The following RBFOX1 variants were observed in gnomAD, a reference collection of about 807,000 sequenced individuals.
RBFOX1 encodes RNA binding protein fox-1 homolog 1.
Under a neutral mutation model 57.7 loss-of-function variants are expected in RBFOX1, and 8 were observed. That is an observed-to-expected ratio of 0.14 (90% CI 0.08 to 0.25). The LOEUF is 0.25. Among genes scored for constraint, RBFOX1 ranks in the 10% least tolerant of loss-of-function variants. RBFOX1 has a pLI of 1.00. For missense variants in RBFOX1, 611 were observed against 548.5 expected (o/e 1.11, Z -1.14); for synonymous variants, 326 against 222.4 (o/e 1.47, Z -4.15).
chr16:7,467,992 C>G (rs1239637610), intron 4 of RBFOX1, among the ~76,000 whole-genome samples: 2 of 152,224 alleles, frequency 1.3e-5, no homozygotes, highest in African/African-American at 2.4e-5. Flanking sequence ...CCAATACATT[C>G]ACTGCAAGTG....
intron 4 of RBFOX1, among the ~76,000 whole-genome samples, chr16:7,419,673 T>C (rs1461169427): frequency 1.3e-5 from 2 of 152,330 alleles, no homozygotes; most frequent in African/African-American, 4.8e-5. Flanking sequence ...TTCTTCAAAA[T>C]TGACTTGCTC....
chr16:6,155,236 C>T (rs1390679330), intron 1 of RBFOX1, among the ~76,000 whole-genome samples: 2 of 152,166 alleles, frequency 1.3e-5, no homozygotes, highest in Non-Finnish European at 2.9e-5. Context: ...TCTGGGGCAT[C>T]CAGGAGACAA....
At chr16:6,947,756 C>T (rs938243329) in intron 3 of RBFOX1, among the ~76,000 whole-genome samples, 1 of 152,122 alleles carries the variant, frequency 6.6e-6, no homozygotes, top group Non-Finnish European at 1.5e-5. Flanking sequence ...TTTAGCTATT[C>T]ATCTGATTAC....
At chr16:5,761,704 G>A (rs2151646231) in intron 3 of RBFOX1, among the ~76,000 whole-genome samples, 1 of 152,294 alleles carries the variant, frequency 6.6e-6, no homozygotes, top group South Asian at 2.1e-4. Context: ...GGAATTATGG[G>A]AGCTATAATT....
At chr16:7,565,839 G>T (rs560327628) in intron 5 of RBFOX1, among the ~76,000 whole-genome samples, 3 of 152,162 alleles carry the variant, frequency 2.0e-5, no homozygotes, top group Non-Finnish European at 4.4e-5. Context: ...AAAGGAAAGA[G>T]GCTGAATAGT....
chr16:5,625,103 C>G (rs2048310284), intron 3 of RBFOX1, among the ~76,000 whole-genome samples: 1 of 152,158 alleles, frequency 6.6e-6, no homozygotes. Context: ...GAAATGGACC[C>G]AGCGTTACCA....
intron 3 of RBFOX1, among the ~76,000 whole-genome samples, chr16:5,617,866 C>T (rs17134925): frequency 0.028 from 4,269 of 152,140 alleles, 199 homozygotes; most frequent in African/African-American, 0.096. Flanking sequence ...GCAGCATTTC[C>T]GAAGCTTATC....
intron 3 of RBFOX1, among the ~76,000 whole-genome samples, chr16:6,785,858 G>A (rs2154241809): frequency 6.6e-6 from 1 of 152,318 alleles, no homozygotes; most frequent in Middle Eastern, 3.4e-3. Flanking sequence ...AAGTCCATTA[G>A]ACTCTAAAAC....
chr16:6,630,003 G>A (rs1187981167), intron 2 of RBFOX1, among the ~76,000 whole-genome samples: 1 of 147,336 alleles, frequency 6.8e-6, no homozygotes, highest in African/African-American at 2.5e-5. Flanking sequence ...GCTTTCAGAA[G>A]GAGAAAAATG....
chr16:6,908,037 T>C (rs1333014437), intron 3 of RBFOX1, among the ~76,000 whole-genome samples: 1 of 151,782 alleles, frequency 6.6e-6, no homozygotes, highest in Admixed American at 6.6e-5. Context: ...TTAGGGCCTA[T>C]CCAAATCATC....
intron 2 of RBFOX1, among the ~76,000 whole-genome samples, chr16:5,557,259 CAATAAAT>C (rs2045714136): frequency 7.0e-6 from 1 of 143,472 alleles, no homozygotes; most frequent in African/African-American, 2.7e-5. Flanking sequence ...GACTCCATCT[CAATAAAT>C]AAATAAATAA....
At chr16:7,046,361 T>G (rs2047945607) in intron 3 of RBFOX1, among the ~76,000 whole-genome samples, 1 of 152,022 alleles carries the variant, frequency 6.6e-6, no homozygotes, top group African/African-American at 2.4e-5. Flanking sequence ...ACACACATAT[T>G]TCTCTCAGTC....
At chr16:6,849,281 C>T (rs1179469152) in intron 3 of RBFOX1, among the ~76,000 whole-genome samples, 1 of 152,112 alleles carries the variant, frequency 6.6e-6, no homozygotes, top group African/African-American at 2.4e-5. Flanking sequence ...TTAGCTCCTG[C>T]AATATTCTGC....
chr16:7,191,200 A>G (rs962475382), intron 4 of RBFOX1, among the ~76,000 whole-genome samples: 4 of 152,124 alleles, frequency 2.6e-5, no homozygotes, highest in African/African-American at 9.7e-5. Context: ...CTCATTTTTT[A>G]ATATGGAACT....
intron 3 of RBFOX1, chr16:6,874,104 A>G (rs187367487): frequency 6.6e-6 from 1 of 152,214 alleles, no homozygotes; most frequent in Non-Finnish European, 1.5e-5. Context: ...TAGCAGCACA[A>G]TTCACAATTT....
chr16:7,364,150 A>G (rs1568427510), intron 4 of RBFOX1, among the ~76,000 whole-genome samples: 1 of 152,192 alleles, frequency 6.6e-6, no homozygotes, highest in Non-Finnish European at 1.5e-5. Flanking sequence ...CGTGGGGTGC[A>G]GGAGTCTACA....
At chr16:7,468,357 C>G (rs894634307) in intron 4 of RBFOX1, among the ~76,000 whole-genome samples, 2 of 152,092 alleles carry the variant, frequency 1.3e-5, no homozygotes, top group South Asian at 2.1e-4. Context: ...CTGCGTGTAT[C>G]CCGATTAGAT....
chr16:7,204,804 C>G (rs572084706), intron 4 of RBFOX1, among the ~76,000 whole-genome samples: 1 of 152,184 alleles, frequency 6.6e-6, no homozygotes, highest in Non-Finnish European at 1.5e-5. Flanking sequence ...TTAATGCAAA[C>G]TGATTGGTAA....
intron 2 of RBFOX1, among the ~76,000 whole-genome samples, chr16:6,538,271 C>A (rs575395828): frequency 6.6e-6 from 1 of 152,210 alleles, no homozygotes; most frequent in East Asian, 1.9e-4. Context: ...AGGAAGAGTC[C>A]TTGAACACAA....
Sources: allele counts gnomAD v4.1 joint callset (sites outside exome capture counted in the v4.1 genomes callset), GRCh38; gene constraint gnomAD v4.1.1; transcripts MANE v1.5; gene names NCBI Gene and HGNC (gene_info 2026-07-23, HGNC 2026-07-21).